Variants in TMEM132B observed in about 807,000 individuals in gnomAD.
TMEM132B encodes transmembrane protein 132B.
A neutral mutation model predicts 90.8 loss-of-function variants in TMEM132B; 18 were observed. That is an observed-to-expected ratio of 0.20 (90% CI 0.14 to 0.29). The LOEUF is 0.29. Ranked by LOEUF, TMEM132B falls within the 10% of genes least tolerant of loss-of-function variation. TMEM132B has a pLI of 1.00. For synonymous variants in TMEM132B, 504 were observed against 523.3 expected, an observed-to-expected ratio of 0.96 and a Z score of 0.50; for missense variants, 1,096 against 1,326.8, an observed-to-expected ratio of 0.83 and a Z score of 2.70.
intron 1 of TMEM132B, among the ~76,000 whole-genome samples, chr12:125,191,252 G>A (rs1872781334): frequency 6.6e-6 from 1 of 151,794 alleles, no homozygotes; most frequent in South Asian, 2.1e-4. Flanking sequence ...ATGGTGATGG[G>A]GAAGGGGTGG....
intron 1 of TMEM132B, among the ~76,000 whole-genome samples, chr12:125,200,433 C>T (rs532573691): frequency 2.6e-4 from 40 of 152,284 alleles, no homozygotes; most frequent in African/African-American, 8.9e-4. Flanking sequence ...GTATTCATCT[C>T]CATCTTCCAG....
At chr12:125,514,989 C>CT (rs1347854622) in intron 3 of TMEM132B, among the ~76,000 whole-genome samples, 9 of 152,274 alleles carry the variant, frequency 5.9e-5, no homozygotes, top group Non-Finnish European at 8.8e-5. Flanking sequence ...GGAGGCTTAG[C>CT]TTTTACGGAA....
intron 3 of TMEM132B, among the ~76,000 whole-genome samples, chr12:125,516,717 A>C (rs747387636): frequency 7.9e-5 from 12 of 152,272 alleles, no homozygotes; most frequent in Admixed American, 2.6e-4. Flanking sequence ...GGAAGAGCTC[A>C]TTTCTCCTCT....
intron 2 of TMEM132B, among the ~76,000 whole-genome samples, chr12:125,373,670 T>A (rs1276565238): frequency 6.6e-6 from 1 of 152,254 alleles, no homozygotes; most frequent in Non-Finnish European, 1.5e-5. Context: ...AAAGAGCCTT[T>A]AAAGCCATCA....
chr12:125,627,441 G>C (rs1886259848), intron 5 of TMEM132B, among the ~76,000 whole-genome samples: 1 of 151,988 alleles, frequency 6.6e-6, no homozygotes, highest in Admixed American at 6.6e-5. Context: ...GATTAGAGTT[G>C]TGTATACCTT....
chr12:125,384,542 T>G (rs1019764946), intron 2 of TMEM132B, among the ~76,000 whole-genome samples: 1 of 152,240 alleles, frequency 6.6e-6, no homozygotes. Flanking sequence ...GTAAGAATAT[T>G]TAAAATATAC....
At chr12:125,228,914 C>T (rs544965087) in intron 1 of TMEM132B, among the ~76,000 whole-genome samples, 1 of 152,214 alleles carries the variant, frequency 6.6e-6, no homozygotes, top group Non-Finnish European at 1.5e-5. Context: ...GACTAATTCT[C>T]TCCCTAAGAG....
intron 1 of TMEM132B, among the ~76,000 whole-genome samples, chr12:125,188,549 C>T (rs1230428333): frequency 1.4e-5 from 2 of 141,284 alleles, no homozygotes; most frequent in African/African-American, 5.3e-5. Flanking sequence ...CCCCCACCCC[C>T]GTCCCCCGCC....
At position 125,644,149 on chromosome 12, in the gene TMEM132B, T is replaced by C; in HGVS notation, c.1511T>C (p.Phe504Ser). The change falls in exon 6 of 9, where the codon TTC becomes TCC. Residue 504 changes from phenylalanine to serine, a missense_variant. Transcript: ENST00000682704. The stretch of plus-strand genomic sequence containing the variant: ...AGCAAAGTGGACACGATTGTGAACT[T>C]CACCCACCAGCACTTCACCTCCCAG... Reference protein sequence around the residue: ...MKSKVDTIVNFTHQHFTSQFE... With the variant: ...MKSKVDTIVNSTHQHFTSQFE... 6.2e-7 allele frequency: 1 copy of C among 1,614,218 alleles called. No homozygotes were observed. Among genetic ancestry groups the C allele is most frequent in the Non-Finnish European group, 8.5e-7 (1 of 1,180,028 alleles).
intron 2 of TMEM132B, among the ~76,000 whole-genome samples, chr12:125,364,366 C>A (rs1175838194): frequency 1.3e-5 from 2 of 152,116 alleles, no homozygotes; most frequent in Non-Finnish European, 2.9e-5. Context: ...AATCCATATA[C>A]CCACCACTTA....
At chr12:125,321,018 T>A (rs1387528226) in intron 1 of TMEM132B, among the ~76,000 whole-genome samples, 2 of 152,210 alleles carry the variant, frequency 1.3e-5, no homozygotes, top group Non-Finnish European at 2.9e-5. Flanking sequence ...GGTGTGTGGA[T>A]TCAAAGATCC....
At chr12:125,326,916 C>G (rs548721772) in intron 1 of TMEM132B, among the ~76,000 whole-genome samples, 1 of 152,246 alleles carries the variant, frequency 6.6e-6, no homozygotes, top group African/African-American at 2.4e-5. Flanking sequence ...GGCCACTTCT[C>G]CAGGCTTGGC....
intron 3 of TMEM132B, among the ~76,000 whole-genome samples, chr12:125,494,286 TCCC>T: frequency 2.2e-5 from 2 of 91,034 alleles, no homozygotes; most frequent in Admixed American, 2.8e-4. Context: ...GCATCCCTCC[TCCC>T]CCTCCTCCCT....
In TMEM132B at chr12:125,525,053, G is replaced by A. The variant is rs371579401; in HGVS notation, c.1293+5428G>A. Among the ~76,000 whole-genome samples, 164 of 152,234 alleles carry A rather than the reference G, an allele frequency of 1.1e-3. 1 individual carries two copies. Among genetic ancestry groups the A allele is most frequent in the African/African-American group, 3.6e-3 (148 of 41,542 alleles). On this transcript the variant is annotated intron_variant, in intron 4 of 8. Transcript: ENST00000682704. ...AATGAGTAGGAGCAAGAGCATGGGC[G>A]CTTAGAGGGCTGCAGGTGGCTTGGT...
chr12:125,194,251 G>C (rs1227423669), intron 1 of TMEM132B, among the ~76,000 whole-genome samples: 1 of 150,470 alleles, frequency 6.6e-6, no homozygotes, highest in Admixed American at 6.7e-5. Context: ...CTCCGAGCCT[G>C]GTCTGAATTA....
At chr12:125,316,032 G>A (rs1309032078) in intron 1 of TMEM132B, among the ~76,000 whole-genome samples, 1 of 152,164 alleles carries the variant, frequency 6.6e-6, no homozygotes, top group Non-Finnish European at 1.5e-5. Flanking sequence ...GAGTAGCAGA[G>A]TTTGTCCTGG....
At position 125,462,166 on chromosome 12, in the gene TMEM132B, A is replaced by G. The variant is rs186987040; in HGVS notation, c.1106+46489A>G. On this transcript the variant is annotated intron_variant, in intron 3 of 8. Coordinates refer to ENST00000682704, the MANE Select transcript of TMEM132B (RefSeq NM_001366854.1). ...AATGTGGTGTACTGTTAATCAGAATAAAGGGAATAGATCGCAGGTTGACTA... is the reference window on the plus strand; with the variant it reads ...AATGTGGTGTACTGTTAATCAGAATGAAGGGAATAGATCGCAGGTTGACTA... 3.3e-5 allele frequency among the ~76,000 whole-genome samples: 5 copies of G among 152,356 alleles called. No individual in the cohort carries two copies. In the East Asian group the frequency reaches 7.7e-4, roughly 23 times the overall value.
intron 4 of TMEM132B, among the ~76,000 whole-genome samples, chr12:125,551,473 A>G (rs775539197): frequency 4.5e-4 from 69 of 152,184 alleles, no homozygotes; most frequent in Non-Finnish European, 9.0e-4. Flanking sequence ...TTTTTTTCTT[A>G]GTCTAGAAAA....
intron 1 of TMEM132B, among the ~76,000 whole-genome samples, chr12:125,287,630 G>A (rs566693324): frequency 6.6e-6 from 1 of 152,198 alleles, no homozygotes; most frequent in South Asian, 2.1e-4. Context: ...GACAAAAAAC[G>A]CAAACCACAG....
Sources: allele counts gnomAD v4.1 joint callset (sites outside exome capture counted in the v4.1 genomes callset), GRCh38; gene constraint gnomAD v4.1.1; transcripts MANE v1.5; gene names NCBI Gene and HGNC (gene_info 2026-07-23, HGNC 2026-07-21).